Variants in ZCWPW2 observed in about 807,000 individuals in gnomAD.
ZCWPW2 encodes zinc finger CW-type PWWP domain protein 2.
ZCWPW2 carries 45 observed loss-of-function variants against 46.6 expected under a neutral mutation model. The ratio of observed to expected loss-of-function variants is 0.96; its 90% CI spans 0.76 to 1.24. The LOEUF is 1.24. Among genes scored for constraint, ZCWPW2 ranks in the 50% most tolerant of loss-of-function variants. ZCWPW2 has a pLI of 0.00. For synonymous variants in ZCWPW2, 152 were observed against 137.1 expected, an observed-to-expected ratio of 1.11 and a Z score of -0.76; for missense variants, 429 against 403.9, an observed-to-expected ratio of 1.06 and a Z score of -0.53.
chr3:28,371,827 C>T (rs538163192), intron 1 of ZCWPW2, among the ~76,000 whole-genome samples: 1 of 152,120 alleles, frequency 6.6e-6, no homozygotes, highest in Admixed American at 6.6e-5. Context: ...ATGCTCCAGG[C>T]CTAGGGGAAA....
At chr3:28,521,858 T>C (rs1387984107) in intron 9 of ZCWPW2, among the ~76,000 whole-genome samples, 11 of 152,176 alleles carry the variant, frequency 7.2e-5, no homozygotes, top group Non-Finnish European at 2.9e-5. Flanking sequence ...ATTCATTCAT[T>C]CATTTAGGTA....
chr3:28,506,238 T>C (rs996915600), intron 6 of ZCWPW2, among the ~76,000 whole-genome samples: 5 of 151,754 alleles, frequency 3.3e-5, no homozygotes, highest in Admixed American at 6.6e-5. Flanking sequence ...CCTAGTGTTA[T>C]ATTTGTGTGG....
intron 1 of ZCWPW2, among the ~76,000 whole-genome samples, chr3:28,357,171 AATT>A (rs1030349111): frequency 3.3e-5 from 5 of 152,316 alleles, no homozygotes; most frequent in Non-Finnish European, 4.4e-5. Flanking sequence ...AAGACAAAGC[AATT>A]ATTCAGAGGA....
intron 2 of ZCWPW2, among the ~76,000 whole-genome samples, chr3:28,409,883 G>GT (rs1696330617): frequency 6.6e-6 from 1 of 152,052 alleles, no homozygotes; most frequent in African/African-American, 2.4e-5. Context: ...AAAATCACTG[G>GT]TTAGCAGATC....
intron 5 of ZCWPW2, among the ~76,000 whole-genome samples, chr3:28,486,277 G>GCA (rs1160845204): frequency 6.6e-6 from 1 of 151,762 alleles, no homozygotes; most frequent in Non-Finnish European, 1.5e-5. Context: ...AAGCATATAT[G>GCA]CACACACACA....
intron 5 of ZCWPW2, among the ~76,000 whole-genome samples, chr3:28,489,270 T>G (rs942356996): frequency 1.1e-4 from 16 of 152,226 alleles, no homozygotes; most frequent in African/African-American, 3.4e-4. Flanking sequence ...TTTTTAATGA[T>G]TGATATTTCA....
chr3:28,392,871 A>C (rs1242304555), intron 2 of ZCWPW2, among the ~76,000 whole-genome samples: 1 of 152,074 alleles, frequency 6.6e-6, no homozygotes. Context: ...AAGAGTTTAA[A>C]TAAAGTTTAC....
chr3:28,507,180 G>A lies in ZCWPW2; in HGVS notation c.658-6884G>A, dbSNP rs537055675. Reference sequence around the variant, plus strand: ...CAAAGGCTCATACTAGGAAGGCAGAGAGCATTTTGGTAAATACTGACTTGT... The same window carrying A: ...CAAAGGCTCATACTAGGAAGGCAGAAAGCATTTTGGTAAATACTGACTTGT... On this transcript the variant is annotated intron_variant, in intron 6 of 9. Transcript: ENST00000383768. Among the ~76,000 whole-genome samples the A allele has an allele frequency of 1.4e-3, 206 of 152,242 alleles. 2 individuals carry two copies. In the South Asian group the frequency reaches 0.014, roughly 10 times the overall value.
At chr3:28,423,183 C>A (rs1346194009) in intron 3 of ZCWPW2, among the ~76,000 whole-genome samples, 2 of 151,934 alleles carry the variant, frequency 1.3e-5, no homozygotes, top group African/African-American at 2.4e-5. Context: ...AGTGACTTTG[C>A]AGAGCAGGTA....
rs565462840 is a variant in ZCWPW2, at chr3:28,524,613, A to G, written c.996A>G (p.Lys332=). The G allele has an allele frequency of 6.2e-6, 10 of 1,609,008 alleles. No individual in the cohort carries two copies. In the African/African-American group the frequency reaches 1.3e-4, roughly 21 times the overall value. ...EEDYLVIDGI[K]LKAGECIEDI... is the part of the protein sequence containing the mutation. ...ACTATCTTGTAATTGATGGGATAAA[A>G]TTAAAAGCTGGAGAATGTATTGAGG... The change falls in exon 10 of 10, where the codon AAA becomes AAG. Residue 332 remains lysine, a synonymous_variant. Coordinates refer to ENST00000383768, the MANE Select transcript of ZCWPW2 (RefSeq NM_001040432.4).
chr3:28,475,578 C>CAAAGGAA (rs1398195434), intron 4 of ZCWPW2, among the ~76,000 whole-genome samples: 4 of 152,180 alleles, frequency 2.6e-5, no homozygotes, highest in African/African-American at 9.7e-5. Context: ...CAATGGCTTG[C>CAAAGGAA]AAAGGCCTTG....
intron 3 of ZCWPW2, among the ~76,000 whole-genome samples, chr3:28,434,679 T>C (rs890887916): frequency 6.6e-6 from 1 of 152,200 alleles, no homozygotes; most frequent in Non-Finnish European, 1.5e-5. Flanking sequence ...GCTCAGGAAA[T>C]ACCAGCTCTC....
At chr3:28,428,623 T>G (rs1295770938) in intron 3 of ZCWPW2, among the ~76,000 whole-genome samples, 1 of 152,214 alleles carries the variant, frequency 6.6e-6, no homozygotes, top group African/African-American at 2.4e-5. Context: ...AATTTGGCTC[T>G]GTAACCCACC....
At chr3:28,370,387 T>A (rs1048896186) in intron 1 of ZCWPW2, among the ~76,000 whole-genome samples, 11 of 152,216 alleles carry the variant, frequency 7.2e-5, no homozygotes, top group African/African-American at 2.7e-4. Flanking sequence ...TAAGTTGTGG[T>A]ATATTTTCAT....
intron 6 of ZCWPW2, among the ~76,000 whole-genome samples, chr3:28,508,000 T>A (rs1357687818): frequency 6.6e-6 from 1 of 152,144 alleles, no homozygotes; most frequent in Non-Finnish European, 1.5e-5. Flanking sequence ...TTAATAAAGA[T>A]TTATTTGGCT....
At chr3:28,523,965 T>C (rs2125841433) in intron 9 of ZCWPW2, among the ~76,000 whole-genome samples, 1 of 152,234 alleles carries the variant, frequency 6.6e-6, no homozygotes, top group East Asian at 1.9e-4. Flanking sequence ...GGTACATTTT[T>C]GTTATGTGAA....
intron 4 of ZCWPW2, among the ~76,000 whole-genome samples, chr3:28,453,811 ATTTATTT>A (rs1698316673): frequency 6.8e-6 from 1 of 147,330 alleles, no homozygotes; most frequent in Non-Finnish European, 1.5e-5. Context: ...TTATTTATTT[ATTTATTT>A]ATTTATTTAT....
chr3:28,436,323 C>CTTTTT (rs71087698), intron 4 of ZCWPW2, among the ~76,000 whole-genome samples: 48 of 116,828 alleles, frequency 4.1e-4, no homozygotes, highest in South Asian at 5.6e-4. Flanking sequence ...TCTTTTTTTT[C>CTTTTT]TTTTTTTTTT....
chr3:28,391,087 A>G (rs896165035), intron 2 of ZCWPW2, among the ~76,000 whole-genome samples: 8 of 152,146 alleles, frequency 5.3e-5, no homozygotes, highest in Non-Finnish European at 1.0e-4. Flanking sequence ...GACTAAAATT[A>G]TTTTCAAGTT....
Sources: gnomAD v4.1 joint callset for allele counts (sites outside exome capture counted in the v4.1 genomes callset) on GRCh38, gnomAD v4.1.1 for gene constraint, MANE v1.5 for transcripts, NCBI Gene and HGNC (gene_info 2026-07-23, HGNC 2026-07-21) for gene names.